Variants in MEIS2 observed in about 807,000 individuals in gnomAD.
MEIS2 encodes the protein Meis homeobox 2.
In MEIS2, 9 loss-of-function variants were observed where a neutral mutation model predicts 58.6. The ratio of observed to expected loss-of-function variants is 0.15; its 90% CI spans 0.09 to 0.27. The LOEUF (loss-of-function observed/expected upper bound fraction) is 0.27, where lower values mean the gene tolerates loss of function less well. Ranked by LOEUF, MEIS2 falls within the 10% of genes least tolerant of loss-of-function variation. MEIS2 has a pLI of 1.00. For missense variants in MEIS2, 427 were observed against 635.0 expected, an observed-to-expected ratio of 0.67 and a Z score of 3.52; for synonymous variants, 221 against 228.4, an observed-to-expected ratio of 0.97 and a Z score of 0.29.
chr15:37,028,313 A>G (rs767208023), intron 8 of MEIS2, among the ~76,000 whole-genome samples: 13 of 152,188 alleles, frequency 8.5e-5, no homozygotes, highest in Non-Finnish European at 7.3e-5. Flanking sequence ...CTTTACCACA[A>G]TGTCACTCAG....
intron 7 of MEIS2, among the ~76,000 whole-genome samples, chr15:37,083,410 C>A (rs999527272): frequency 1.3e-5 from 2 of 152,286 alleles, no homozygotes; most frequent in Non-Finnish European, 1.5e-5. Flanking sequence ...GTTGATATTA[C>A]AGGCAAAATA....
chr15:36,926,900 C>T (rs2057770027), intron 9 of MEIS2, among the ~76,000 whole-genome samples: 1 of 152,192 alleles, frequency 6.6e-6, no homozygotes, highest in Non-Finnish European at 1.5e-5. Context: ...ACATTATAGT[C>T]ACCTGCTGGT....
At position 37,076,864 on chromosome 15, in the gene MEIS2, G is replaced by A. The variant is rs192662341; in HGVS notation, c.754+6907C>T. Among the ~76,000 whole-genome samples the A allele has an allele frequency of 1.3e-3, 195 of 152,086 alleles. 2 individuals are homozygous for A. The highest frequency in any genetic ancestry group is 4.6e-3 in the African/African-American group (189 of 41,496). On this transcript the variant is annotated intron_variant, in intron 7 of 11. Coordinates refer to ENST00000561208, the MANE Select transcript of MEIS2 (RefSeq NM_170675.5). Reference sequence around the variant, plus strand: ...TGACATGTAAGCAATTCACAGCATTGTTATAAATATACATATATATTTCAT... The same window carrying A: ...TGACATGTAAGCAATTCACAGCATTATTATAAATATACATATATATTTCAT...
intron 8 of MEIS2, among the ~76,000 whole-genome samples, chr15:36,973,217 A>G: frequency 6.6e-6 from 1 of 152,228 alleles, no homozygotes; most frequent in East Asian, 1.9e-4. Flanking sequence ...GCATTTACAA[A>G]TAGAAAACAT....
chr15:37,069,619 A>C (rs1460423717), intron 7 of MEIS2, among the ~76,000 whole-genome samples: 1 of 152,178 alleles, frequency 6.6e-6, no homozygotes, highest in Admixed American at 6.5e-5. Context: ...GTAGGAATGC[A>C]GAAGAGTTTC....
chr15:37,044,322 A>G (rs1488257408), intron 7 of MEIS2, among the ~76,000 whole-genome samples: 1 of 152,180 alleles, frequency 6.6e-6, no homozygotes, highest in Non-Finnish European at 1.5e-5. Flanking sequence ...GTTCACATTT[A>G]TGTCCTAGAG....
intron 8 of MEIS2, among the ~76,000 whole-genome samples, chr15:36,963,782 C>G (rs1432245197): frequency 6.6e-6 from 1 of 152,146 alleles, no homozygotes; most frequent in Non-Finnish European, 1.5e-5. Flanking sequence ...AATGTAGAAA[C>G]AGAGATTGAA....
At chr15:37,086,331 A>G (rs1020515639) in intron 6 of MEIS2, among the ~76,000 whole-genome samples, 1 of 152,186 alleles carries the variant, frequency 6.6e-6, no homozygotes, top group African/African-American at 2.4e-5. Context: ...GTTTGTCCCT[A>G]TCAGCTAAAC....
chr15:37,085,790 C>A (rs923958038), intron 6 of MEIS2, among the ~76,000 whole-genome samples: 1 of 152,030 alleles, frequency 6.6e-6, no homozygotes, highest in African/African-American at 2.4e-5. Flanking sequence ...CAAAGTCATG[C>A]CTGTGAGCTC....
At chr15:36,963,699 T>C (rs2059266017) in intron 8 of MEIS2, among the ~76,000 whole-genome samples, 1 of 152,238 alleles carries the variant, frequency 6.6e-6, no homozygotes, top group Admixed American at 6.5e-5. Flanking sequence ...GTGGTATTTG[T>C]ACAATTCTAC....
chr15:36,927,114 G>T (rs2057779011), intron 9 of MEIS2, among the ~76,000 whole-genome samples: 1 of 152,146 alleles, frequency 6.6e-6, no homozygotes, highest in South Asian at 2.1e-4. Flanking sequence ...AACTGTAGGT[G>T]CTTCCTCTTC....
intron 8 of MEIS2, among the ~76,000 whole-genome samples, chr15:37,013,528 C>T (rs1448451492): frequency 2.0e-5 from 3 of 150,682 alleles, no homozygotes; most frequent in African/African-American, 4.9e-5. Flanking sequence ...GCCGAGGTCA[C>T]GCCTTTGTAC....
At chr15:37,095,734 A>T in intron 3 of MEIS2, 120 bp from the exon 4 acceptor site, 1 of 1,407,330 alleles carries the variant, frequency 7.1e-7, no homozygotes. Context: ...TTGGCAAAAT[A>T]CAAGAAAGAA....
intron 8 of MEIS2, among the ~76,000 whole-genome samples, chr15:37,008,319 C>T (rs1371708411): frequency 6.6e-6 from 1 of 152,150 alleles, no homozygotes; most frequent in African/African-American, 2.4e-5. Context: ...GTATTTCTAC[C>T]TATTTCCCAT....
intron 8 of MEIS2, among the ~76,000 whole-genome samples, chr15:36,999,007 C>T (rs897983815): frequency 3.3e-5 from 5 of 152,340 alleles, no homozygotes; most frequent in African/African-American, 7.2e-5. Context: ...ACATTTAACA[C>T]GTTGGCTCTT....
chr15:37,072,841 C>CA (rs2141879117), intron 7 of MEIS2, among the ~76,000 whole-genome samples: 1 of 152,118 alleles, frequency 6.6e-6, no homozygotes, highest in Admixed American at 6.6e-5. Flanking sequence ...CCCCCACCAT[C>CA]AAAATCTTTT....
At chr15:36,967,863 C>A (rs1300783516) in intron 8 of MEIS2, among the ~76,000 whole-genome samples, 1 of 152,168 alleles carries the variant, frequency 6.6e-6, no homozygotes, top group Non-Finnish European at 1.5e-5. Context: ...TTGGGCATGA[C>A]CATGCAACTG....
At chr15:36,959,450 G>A (rs887975622) in intron 8 of MEIS2, among the ~76,000 whole-genome samples, 1 of 152,156 alleles carries the variant, frequency 6.6e-6, no homozygotes, top group Admixed American at 6.5e-5. Context: ...CTAGTTCACT[G>A]CCTGGCATTT....
At chr15:37,012,091 G>C (rs2061180808) in intron 8 of MEIS2, among the ~76,000 whole-genome samples, 1 of 152,176 alleles carries the variant, frequency 6.6e-6, no homozygotes, top group Admixed American at 6.5e-5. Context: ...CATTGATGCA[G>C]TTTTGTGGCA....
Sources: allele counts gnomAD v4.1 joint callset (sites outside exome capture counted in the v4.1 genomes callset), GRCh38; gene constraint gnomAD v4.1.1; transcripts MANE v1.5; gene names NCBI Gene and HGNC (gene_info 2026-07-23, HGNC 2026-07-21).